The following TCF20 variants were observed in gnomAD, a reference collection of about 807,000 sequenced individuals.
The protein encoded by TCF20 is SPRE-binding protein.
TCF20 carries 3 observed loss-of-function variants against 148.6 expected under a neutral mutation model. The observed-to-expected ratio is 0.02, with a 90% CI of 0.01 to 0.05. TCF20 has a LOEUF of 0.05. TCF20 is among the 10% of genes least tolerant of loss of function. The pLI, the probability that TCF20 is intolerant of heterozygous loss-of-function variation, is 1.00. For synonymous variants in TCF20, 1,049 were observed against 909.5 expected (o/e 1.15, Z -2.76); for missense variants, 2,350 against 2,429.3 (o/e 0.97, Z 0.69).
chr22:42,202,443 C>T (rs543638400), intron 2 of TCF20, among the ~76,000 whole-genome samples: 2 of 152,324 alleles, frequency 1.3e-5, no homozygotes, highest in South Asian at 4.1e-4. Flanking sequence ...GGTTAAGTGA[C>T]TTGAGCTAGT....
chr22:42,339,498 G>A (rs1016402457), intron 1 of TCF20, among the ~76,000 whole-genome samples: 4 of 152,216 alleles, frequency 2.6e-5, no homozygotes, highest in African/African-American at 7.2e-5. Context: ...TCTGGGCAGC[G>A]AACTGCATGG....
chr22:42,193,697 T>A (rs1397337143), intron 2 of TCF20, among the ~76,000 whole-genome samples: 1 of 152,160 alleles, frequency 6.6e-6, no homozygotes. Flanking sequence ...AGTCCAGTTA[T>A]TAACTCCATT....
At chr22:42,270,016 C>T in intron 1 of TCF20, 1 of 152,688 alleles carries the variant, frequency 6.5e-6, no homozygotes, top group Non-Finnish European at 1.5e-5. Flanking sequence ...AGGCCTCGCG[C>T]GACCAGCAGG....
intron 5 of TCF20, among the ~76,000 whole-genome samples, chr22:42,162,804 C>T (rs1310182566): frequency 6.6e-6 from 1 of 152,190 alleles, no homozygotes; most frequent in African/African-American, 2.4e-5. Flanking sequence ...GCGGCTGGGG[C>T]CTGCGGGAGC....
Position 42,161,031 on chromosome 22 carries a change from G to A in TCF20, c.*372C>T, listed in dbSNP as rs1026983544. On this transcript the variant is annotated 3_prime_UTR_variant, in exon 6 of 6. Coordinates refer to ENST00000677622, the MANE Select transcript of TCF20 (RefSeq NM_001378418.1). ...ATAGCGCACCTTTCATTTAAACAAA[G>A]TCTTTCCAGACTAAAAATAGATTTA... The A allele has an allele frequency of 7.2e-6, 2 of 277,474 alleles. No individual in the cohort carries two copies. Among genetic ancestry groups the A allele is most frequent in the Admixed American group, 5.0e-5 (1 of 20,020 alleles). 17.2% of individuals were successfully genotyped at this position (277,474 alleles called of 1,614,324 possible).
intron 2 of TCF20, among the ~76,000 whole-genome samples, chr22:42,182,275 G>A (rs1250635273): frequency 1.3e-5 from 2 of 152,168 alleles, no homozygotes; most frequent in Non-Finnish European, 2.9e-5. Context: ...ACCTACAGAC[G>A]TGGGACTAAT....
At chr22:42,321,861 C>T (rs1354742251) in intron 1 of TCF20, among the ~76,000 whole-genome samples, 3 of 151,426 alleles carry the variant, frequency 2.0e-5, no homozygotes, top group African/African-American at 4.8e-5. Flanking sequence ...GCACAAGAAT[C>T]GCTTGAACCC....
chr22:42,268,810 T>C (rs1926432464), intron 1 of TCF20, among the ~76,000 whole-genome samples: 1 of 152,114 alleles, frequency 6.6e-6, no homozygotes, highest in Non-Finnish European at 1.5e-5. Flanking sequence ...GAACAGCAAG[T>C]GGGATTTCAA....
At chr22:42,222,695 T>A (rs1303476098) in intron 1 of TCF20, among the ~76,000 whole-genome samples, 1 of 152,230 alleles carries the variant, frequency 6.6e-6, no homozygotes. Context: ...TCTTAGAATG[T>A]GTCCTGCTGT....
At chr22:42,168,846 A>T (rs994543155) in intron 4 of TCF20, 110 bp from the exon 5 acceptor site, 71 of 1,404,260 alleles carry the variant, frequency 5.1e-5, no homozygotes, top group Non-Finnish European at 2.7e-5. Flanking sequence ...AAGAAAAGGC[A>T]GAGTCAGTCC....
chr22:42,228,596 C>A (rs778723539), intron 1 of TCF20, among the ~76,000 whole-genome samples: 2 of 152,172 alleles, frequency 1.3e-5, no homozygotes, highest in Admixed American at 6.5e-5. Flanking sequence ...AACACTGCAC[C>A]ATTTGTGAAG....
At chr22:42,200,257 C>G (rs1241122726) in intron 2 of TCF20, among the ~76,000 whole-genome samples, 1 of 152,160 alleles carries the variant, frequency 6.6e-6, no homozygotes, top group African/African-American at 2.4e-5. Context: ...CCCCTCACCT[C>G]GCCCACTGAC....
At chr22:42,275,682 G>A (rs1021908720) in intron 1 of TCF20, among the ~76,000 whole-genome samples, 3 of 152,184 alleles carry the variant, frequency 2.0e-5, no homozygotes, top group Non-Finnish European at 2.9e-5. Context: ...ATTGTACAGA[G>A]CAGGAAATGG....
chr22:42,250,407 T>C (rs570176930), intron 1 of TCF20, among the ~76,000 whole-genome samples: 4 of 142,174 alleles, frequency 2.8e-5, no homozygotes, highest in East Asian at 2.1e-4. Flanking sequence ...GACCACACCA[T>C]TGCACTTCAG....
At chr22:42,218,474 G>A (rs1922024782) in intron 1 of TCF20, among the ~76,000 whole-genome samples, 1 of 152,170 alleles carries the variant, frequency 6.6e-6, no homozygotes, top group African/African-American at 2.4e-5. Context: ...ATGTGCTCCT[G>A]CTCTACTCCT....
chr22:42,340,606 G>C (rs1928146704), intron 1 of TCF20, among the ~76,000 whole-genome samples: 1 of 152,088 alleles, frequency 6.6e-6, no homozygotes, highest in Non-Finnish European at 1.5e-5. Flanking sequence ...CCAAAGACAA[G>C]TACACAAGCA....
At chr22:42,234,605 T>C (rs1409364529) in intron 1 of TCF20, among the ~76,000 whole-genome samples, 2 of 152,172 alleles carry the variant, frequency 1.3e-5, no homozygotes, top group Non-Finnish European at 2.9e-5. Flanking sequence ...TCTTGCTTTT[T>C]TTAAGTGTCC....
At chr22:42,174,478 C>T (rs1215389797) in intron 3 of TCF20, among the ~76,000 whole-genome samples, 1 of 152,154 alleles carries the variant, frequency 6.6e-6, no homozygotes, top group Non-Finnish European at 1.5e-5. Flanking sequence ...CTAATGTGTC[C>T]CTGAACACAG....
intron 1 of TCF20, among the ~76,000 whole-genome samples, chr22:42,229,097 G>A (rs1923167237): frequency 6.6e-6 from 1 of 152,172 alleles, no homozygotes; most frequent in Non-Finnish European, 1.5e-5. Context: ...TTAGAAGGTG[G>A]AGAAGAGGAA....
Sources: gnomAD v4.1 joint callset for allele counts (sites outside exome capture counted in the v4.1 genomes callset) on GRCh38, gnomAD v4.1.1 for gene constraint, MANE v1.5 for transcripts, NCBI Gene and HGNC (gene_info 2026-07-23, HGNC 2026-07-21) for gene names.